ZNF622: variants seen among roughly 807,000 people sequenced by gnomAD.
The protein encoded by ZNF622 is cytoplasmic 60S subunit biogenesis factor ZNF622.
ZNF622 carries 34 observed loss-of-function variants against 49.7 expected under a neutral mutation model. That is an observed-to-expected ratio of 0.68 (90% CI 0.52 to 0.91). ZNF622 has a LOEUF of 0.91. Ranked by LOEUF, ZNF622 falls within the 40% of genes least tolerant of loss-of-function variation. The pLI, the probability that ZNF622 is intolerant of heterozygous loss-of-function variation, is 0.00. For missense variants in ZNF622, 569 were observed against 616.4 expected (o/e 0.92, Z 0.81); for synonymous variants, 209 against 228.7 (o/e 0.91, Z 0.78).
At chr5:16,456,421 A>G (rs1738024641) in intron 4 of ZNF622, among the ~76,000 whole-genome samples, 1 of 152,178 alleles carries the variant, frequency 6.6e-6, no homozygotes. Context: ...AGTGCCCTCT[A>G]GTGGATACTT....
intron 3 of ZNF622, among the ~76,000 whole-genome samples, chr5:16,462,483 G>A (rs779035720): frequency 2.0e-5 from 3 of 152,054 alleles, no homozygotes; most frequent in South Asian, 2.1e-4. Flanking sequence ...GTAACATGGC[G>A]AAACCCCATC....
rs772526057 is a variant in ZNF622 at position 16,465,456 on chromosome 5, G to A, written c.210C>T (p.Thr70=). The change falls in exon 1 of 6, where the codon ACC becomes ACT. Residue 70 remains threonine, a synonymous_variant. Transcript: ENST00000308683. This position sits in a 1 kb window ranked among gnomAD's most constrained non-coding sequence, Gnocchi z 6.2. ...EESKGSATYC[T]VCSKKFASFN... is the part of the protein sequence containing the mutation. ...AAGAGGCAAACTTCTTACTGCAAAC[G>A]GTGCAGTAGGTGGCCGAGCCCTTGC... 8 of 1,614,236 alleles carry A rather than the reference G, an allele frequency of 5.0e-6. No individual in the cohort carries two copies. The highest frequency in any genetic ancestry group is 3.3e-4 in the Middle Eastern group (2 of 6,062).
intron 4 of ZNF622, among the ~76,000 whole-genome samples, chr5:16,454,503 A>AAC (rs1737992744): frequency 7.9e-5 from 12 of 151,496 alleles, no homozygotes; most frequent in Admixed American, 7.9e-4. Flanking sequence ...AAAAAAAAAA[A>AAC]AAAAAAACTA....
chr5:16,451,801 G>A lies in ZNF622; in HGVS notation c.1307-17C>T, dbSNP rs368505479. On this transcript the variant is annotated splice_polypyrimidine_tract_variant and intron_variant, in intron 5 of 5. Coordinates refer to ENST00000308683, the MANE Select transcript of ZNF622 (RefSeq NM_033414.3). ...GAGCCGCTCCTATGATTGGAAGGCA[G>A]TTAAGAAATTAGGCAAAGTTCTGTT... 448 of 1,605,120 alleles carry A rather than the reference G, an allele frequency of 2.8e-4. 1 individual carries two copies. Among genetic ancestry groups the A allele is most frequent in the Non-Finnish European group, 3.7e-4 (431 of 1,177,212 alleles).
chr5:16,465,676 GAAAT>G lies in ZNF622; in HGVS notation c.-15_-12del. ...GGTGTACGTCGCCATTGCCAGGCGA[GAAAT>G]AAGAACCGACCAAGCCAAACACCTG... On this transcript the variant is annotated 5_prime_UTR_variant, in exon 1 of 6. Transcript: ENST00000308683. This position sits in a 1 kb window ranked among gnomAD's most constrained non-coding sequence, Gnocchi z 6.2. 1 of 1,555,488 alleles carries G rather than the reference GAAAT, an allele frequency of 6.4e-7. No individual in the cohort carries two copies. Among genetic ancestry groups the G allele is most frequent in the Non-Finnish European group, 8.7e-7 (1 of 1,152,174 alleles).
At chr5:16,461,075 C>G (rs959593270) in intron 3 of ZNF622, among the ~76,000 whole-genome samples, 3 of 152,152 alleles carry the variant, frequency 2.0e-5, no homozygotes, top group African/African-American at 7.2e-5. Flanking sequence ...AAAAAGGCCA[C>G]ACTGAGAAGG....
intron 3 of ZNF622, among the ~76,000 whole-genome samples, chr5:16,459,651 C>T (rs576862313): frequency 6.6e-6 from 1 of 152,254 alleles, no homozygotes; most frequent in African/African-American, 2.4e-5. Context: ...TGTGTATCAA[C>T]AGTAGACTAG....
rs746784528 is a variant in ZNF622, at chr5:16,458,516, C to T, written c.1162+1G>A. The T allele has an allele frequency of 1.9e-6, 3 of 1,609,184 alleles. No homozygotes were observed. The highest frequency in any genetic ancestry group is 1.3e-5 in the African/African-American group (1 of 74,924). On this transcript the variant is annotated splice_donor_variant, in intron 4 of 5. Transcript: ENST00000308683. LOFTEE classifies it high-confidence loss of function. Reference sequence around the variant, plus strand: ...TATTTATTTTTGACAAATGCACTTACCAGAAGGCAGAATCAATTCCATGGT... The same window carrying T: ...TATTTATTTTTGACAAATGCACTTATCAGAAGGCAGAATCAATTCCATGGT...
At chr5:16,455,312 A>G (rs368092885) in intron 4 of ZNF622, among the ~76,000 whole-genome samples, 1 of 152,234 alleles carries the variant, frequency 6.6e-6, no homozygotes, top group East Asian at 1.9e-4. Flanking sequence ...CAGACTTTCA[A>G]TTTGCATAAG....
intron 3 of ZNF622, 33 bp from the exon 4 acceptor site, chr5:16,458,662 T>C (rs374765355): frequency 2.1e-6 from 3 of 1,435,042 alleles, no homozygotes; most frequent in Non-Finnish European, 2.9e-6. Context: ...ATAAATAGAC[T>C]AATATCTCAA....
chr5:16,462,294 CA>C (rs1738131769), intron 3 of ZNF622, among the ~76,000 whole-genome samples: 2 of 152,202 alleles, frequency 1.3e-5, no homozygotes, highest in African/African-American at 4.8e-5. Context: ...TGTGCTAGCT[CA>C]CAGGAATTTT....
intron 5 of ZNF622, 81 bp downstream of exon 5, chr5:16,452,932 A>G: frequency 7.6e-7 from 1 of 1,314,414 alleles, no homozygotes. Context: ...CATGGACAAC[A>G]TAAATGGAAA....
At chr5:16,456,457 G>T (rs184577206) in intron 4 of ZNF622, among the ~76,000 whole-genome samples, 10 of 152,306 alleles carry the variant, frequency 6.6e-5, no homozygotes, top group African/African-American at 2.2e-4. Flanking sequence ...GAGATAGCCT[G>T]CTTGATTTTA....
In ZNF622 at chr5:16,451,599, G is replaced by C; in HGVS notation, c.*58C>G. On this transcript the variant is annotated 3_prime_UTR_variant, in exon 6 of 6. Transcript: ENST00000308683. ...CTCTCCTATGATCTGTCTTTCACTG[G>C]TCCTCAGGGCAAGGAGGAAACTTGG... The C allele has an allele frequency of 6.3e-7, 1 of 1,587,694 alleles. No homozygotes were observed. The highest frequency in any genetic ancestry group is 8.6e-7 in the Non-Finnish European group (1 of 1,167,858).
rs1579566860 is a variant in ZNF622 at position 16,463,839 on chromosome 5, G to A, written c.626-97C>T. 4 of 1,340,896 alleles carry A rather than the reference G, an allele frequency of 3.0e-6. No individual in the cohort carries two copies. The highest frequency in any genetic ancestry group is 1.4e-5 in the South Asian group (1 of 71,820). The allele number at this position is 1,340,896 out of a possible 1,614,324, so 83.1% of individuals were successfully genotyped here. A position where few individuals can be genotyped will look rare whatever the true frequency, so the allele number is the denominator to read the frequency against. On this transcript the variant is annotated intron_variant, in intron 1 of 5. Coordinates refer to ENST00000308683, the MANE Select transcript of ZNF622 (RefSeq NM_033414.3). The surrounding 1 kb of genome is among the most constrained non-coding windows in gnomAD (Gnocchi z 4.2). Reference sequence around the variant, plus strand: ...GAGGTGATACAGTCCTATATTTGGAGAAACAGCCACACCCCAACTCCCAAG... The same window carrying A: ...GAGGTGATACAGTCCTATATTTGGAAAAACAGCCACACCCCAACTCCCAAG...
In ZNF622 at chr5:16,463,486, G is replaced by A; in HGVS notation, c.882C>T (p.Tyr294=). The A allele has an allele frequency of 1.2e-6, 2 of 1,611,152 alleles. No individual in the cohort carries two copies. Among genetic ancestry groups the A allele is most frequent in the Non-Finnish European group, 1.7e-6 (2 of 1,177,738 alleles). ...AAGGAAAACTATTGTACTTACCCAA[G>A]TATTTAATCAGTCCCTTAATATCTG... ...YLSDIKGLIK[Y]LGEKVGVGKI... is the part of the protein sequence containing the mutation. The change falls in exon 2 of 6, where the codon TAC becomes TAT. Residue 294 remains tyrosine (Y), a synonymous_variant. Coordinates refer to ENST00000308683, the MANE Select transcript of ZNF622 (RefSeq NM_033414.3). This position sits in a 1 kb window ranked among gnomAD's most constrained non-coding sequence, Gnocchi z 4.2.
At position 16,465,253 on chromosome 5, in the gene ZNF622, G is replaced by T. The variant is rs1738196632; in HGVS notation, c.413C>A (p.Ala138Asp). ...MNAAIQQAIK[A>D]QPSMSPKKAP... The stretch of plus-strand genomic sequence containing the variant: ...CTTCTTGGGAGACATGGACGGCTGG[G>T]CCTTGATGGCCTGCTGGATGGCCGC... The change falls in exon 1 of 6, where the codon GCC becomes GAC. Residue 138 changes from alanine (A) to aspartate (D), a missense_variant. Physicochemically the swap from Ala to Asp is moderately radical, Grantham distance 126. Coordinates refer to ENST00000308683, the MANE Select transcript of ZNF622 (RefSeq NM_033414.3). The surrounding 1 kb of genome is among the most constrained non-coding windows in gnomAD (Gnocchi z 6.2). 12 of 1,614,104 alleles carry T rather than the reference G, an allele frequency of 7.4e-6. No individual in the cohort carries two copies. Among genetic ancestry groups the T allele is most frequent in the Non-Finnish European group, 1.0e-5 (12 of 1,180,024 alleles).
intron 5 of ZNF622, among the ~76,000 whole-genome samples, chr5:16,452,484 G>T (rs914937575): frequency 2.6e-5 from 4 of 152,102 alleles, no homozygotes; most frequent in Non-Finnish European, 5.9e-5. Context: ...AGCTAACCTC[G>T]ACTATGGGCA....
Position 16,454,209 on chromosome 5 carries a change from C to T in ZNF622, c.1163-1053G>A, listed in dbSNP as rs565390478. Among the ~76,000 whole-genome samples, 6 of 152,040 alleles carry T rather than the reference C, an allele frequency of 3.9e-5. No homozygotes were observed. In the South Asian group the frequency reaches 1.0e-3, roughly 26 times the overall value. ...AAATAAAAAAACTATGGGACAGGGC[C>T]GGGTGCGGTGGCTCACGCCTGTAAT... On this transcript the variant is annotated intron_variant, in intron 4 of 5. Coordinates refer to ENST00000308683, the MANE Select transcript of ZNF622 (RefSeq NM_033414.3).
Sources: gnomAD v4.1 joint callset for allele counts (sites outside exome capture counted in the v4.1 genomes callset) on GRCh38, gnomAD v4.1.1 for gene constraint, Gnocchi (gnomAD v3.1) non-coding constraint, MANE v1.5 for transcripts, NCBI Gene and HGNC (gene_info 2026-07-23, HGNC 2026-07-21) for gene names.